SLC36A2: variants seen among roughly 807,000 people sequenced by gnomAD.
SLC36A2 encodes solute carrier family 36 member 2, also known as proton-coupled amino acid transporter 2.
In SLC36A2, 39 loss-of-function variants were observed where a neutral mutation model predicts 42.7. That is an observed-to-expected ratio of 0.91 (90% CI 0.71 to 1.19). The LOEUF (loss-of-function observed/expected upper bound fraction) is 1.19, where lower values mean the gene tolerates loss of function less well. Among genes scored for constraint, SLC36A2 ranks in the 50% most tolerant of loss-of-function variants. The probability of loss-of-function intolerance (pLI) is 0.00; values close to 1 mark genes in which losing one functional copy is unlikely to be tolerated. For missense variants in SLC36A2, 590 were observed against 613.7 expected (o/e 0.96, Z 0.41); for synonymous variants, 237 against 240.8 (o/e 0.98, Z 0.15).
At chr5:151,331,897 T>C (rs1366232075) in intron 7 of SLC36A2, among the ~76,000 whole-genome samples, 2 of 151,948 alleles carry the variant, frequency 1.3e-5, no homozygotes, top group Non-Finnish European at 2.9e-5. Flanking sequence ...GACAGAGTCT[T>C]GCTCTGTCAC....
intron 8 of SLC36A2, among the ~76,000 whole-genome samples, chr5:151,324,636 T>G (rs1424875161): frequency 1.3e-5 from 2 of 151,994 alleles, no homozygotes; most frequent in African/African-American, 4.8e-5. Context: ...CTGGCCTGTT[T>G]GTTTGTTTTT....
At chr5:151,318,246 T>G (rs1755560876) in intron 9 of SLC36A2, among the ~76,000 whole-genome samples, 1 of 151,962 alleles carries the variant, frequency 6.6e-6, no homozygotes, top group South Asian at 2.1e-4. Flanking sequence ...CCAACAAAAC[T>G]TAAGCTCTTA....
intron 4 of SLC36A2, among the ~76,000 whole-genome samples, chr5:151,341,577 G>C (rs1317335545): frequency 6.6e-6 from 1 of 152,180 alleles, no homozygotes; most frequent in Admixed American, 6.5e-5. Context: ...AGGACAAAGG[G>C]TGTTAACCTG....
chr5:151,318,719 A>G (rs1216203065), intron 9 of SLC36A2, among the ~76,000 whole-genome samples: 1 of 151,600 alleles, frequency 6.6e-6, no homozygotes, highest in African/African-American at 2.4e-5. Flanking sequence ...GAAATTATTT[A>G]TAATACAAAG....
Position 151,338,083 on chromosome 5 carries a change from G to T in SLC36A2, c.525+977C>A, listed in dbSNP as rs1249218528. ...TAACCACAGTACCTGCTCTAATAAGGTCATGGAGATAATTCAATGATGGAA... is the reference window on the plus strand; with the variant it reads ...TAACCACAGTACCTGCTCTAATAAGTTCATGGAGATAATTCAATGATGGAA... On this transcript the variant is annotated intron_variant, in intron 5 of 9. Transcript: ENST00000335244. 5.3e-5 allele frequency among the ~76,000 whole-genome samples: 8 copies of T among 152,084 alleles called. No individual in the cohort carries two copies. In the East Asian group the frequency reaches 1.5e-3, roughly 29 times the overall value.
chr5:151,338,871 A>T, intron 5 of SLC36A2, 189 bp downstream of exon 5: 1 of 526,206 alleles, frequency 1.9e-6, no homozygotes, highest in East Asian at 4.3e-5. Flanking sequence ...GATAAAGGGT[A>T]TTGTGGCAAA....
chr5:151,345,188 G>A (rs942763098), intron 1 of SLC36A2, among the ~76,000 whole-genome samples: 1 of 152,182 alleles, frequency 6.6e-6, no homozygotes, highest in Non-Finnish European at 1.5e-5. Context: ...GTTAAGTCAA[G>A]GCGAGCATGG....
intron 9 of SLC36A2, among the ~76,000 whole-genome samples, chr5:151,320,943 A>C (rs141824587): frequency 8.8e-4 from 134 of 152,266 alleles, no homozygotes; most frequent in Non-Finnish European, 1.6e-3. Context: ...CTTGAATTCA[A>C]ATCCTACCTC....
At chr5:151,335,651 G>T in intron 5 of SLC36A2, 104 bp from the exon 6 acceptor site, 1 of 866,438 alleles carries the variant, frequency 1.2e-6, no homozygotes, top group Non-Finnish European at 2.0e-6. Context: ...CAGTGAATGG[G>T]AGTGTCCCAC....
At position 151,335,377 on chromosome 5, in the gene SLC36A2, G is replaced by T; in HGVS notation, c.696C>A (p.Asn232Lys). The T allele has an allele frequency of 2.5e-6, 4 of 1,614,090 alleles. No homozygotes were observed. The highest frequency in any genetic ancestry group is 3.4e-6 in the Non-Finnish European group (4 of 1,180,004). Residue 232 changes from asparagine to lysine, a missense_variant, in exon 6 of 10, where the codon AAC becomes AAA. Coordinates refer to ENST00000335244, the MANE Select transcript of SLC36A2 (RefSeq NM_181776.3). The part of the protein sequence containing the change: ...RILTIFSMLA[N>K]ISMLVSLVII... ...TGACCAAGCTGACCAGCATGCTGATGTTGGCCAGCATGGAGAAGATGGTCA... is the reference window on the plus strand; with the variant it reads ...TGACCAAGCTGACCAGCATGCTGATTTTGGCCAGCATGGAGAAGATGGTCA...
At position 151,329,304 on chromosome 5, in the gene SLC36A2, T is replaced by C. The variant is rs865939814; in HGVS notation, c.844-3852A>G. ...CCCACAGAAGGTGAGCAAGGACTTA[T>C]GAGCTGAATCTAACTAGGTAGATGG... On this transcript the variant is annotated intron_variant, in intron 7 of 9. Coordinates refer to ENST00000335244, the MANE Select transcript of SLC36A2 (RefSeq NM_181776.3). Among the ~76,000 whole-genome samples the C allele has an allele frequency of 5.9e-5, 9 of 152,368 alleles. 1 individual carries two copies. In the Middle Eastern group the frequency reaches 0.027, roughly 461 times the overall value.
At position 151,325,286 on chromosome 5, in the gene SLC36A2, C is replaced by A. The variant is rs540050755; in HGVS notation, c.1010G>T (p.Trp337Leu). The A allele has an allele frequency of 5.0e-6, 8 of 1,613,072 alleles. No homozygotes were observed. In the South Asian group the frequency reaches 7.7e-5, roughly 16 times the overall value. The change falls in exon 8 of 10, where the codon TGG (tryptophan) becomes TTG (leucine). Residue 337 changes from tryptophan to leucine, a missense_variant and splice_region_variant. Trp to Leu is a moderately conservative substitution (Grantham distance 61). Transcript: ENST00000335244. ...ACCACCTGACAGCCCATGAAGATACCAGCAGTTAGGCAGGTTAAGGCTTAT... is the reference window on the plus strand; with the variant it reads ...ACCACCTGACAGCCCATGAAGATACAAGCAGTTAGGCAGGTTAAGGCTTAT... ...ASISLNLPNC[W>L]LYQSVKLLYI...
chr5:151,323,969 C>G (rs753023717), intron 8 of SLC36A2, among the ~76,000 whole-genome samples: 22 of 152,190 alleles, frequency 1.4e-4, no homozygotes, highest in Non-Finnish European at 2.5e-4. Flanking sequence ...ACCGAAATGT[C>G]CTGTAATTAA....
At position 151,318,517 on chromosome 5, in the gene SLC36A2, T is replaced by TA. The variant is rs1755580744; in HGVS notation, c.1181-1430dup. Among the ~76,000 whole-genome samples, 6 of 57,658 alleles carry TA rather than the reference T, an allele frequency of 1.0e-4. No homozygotes were observed. The Admixed American group carries it at 1.5e-3, about 15-fold the overall frequency. The allele number at this position is 57,658 out of a possible 152,430, so 37.8% of individuals were successfully genotyped here. A position where few individuals can be genotyped will look rare whatever the true frequency, so the allele number is the denominator to read the frequency against. On this transcript the variant is annotated intron_variant, in intron 9 of 9. Coordinates refer to ENST00000335244, the MANE Select transcript of SLC36A2 (RefSeq NM_181776.3). ...ATCTATAATAAAAATAAATAATAAA[T>TA]AAAAATATAATAATTATTTATAAAT... is the stretch of plus-strand genomic sequence containing the variant.
chr5:151,318,519 A>T (rs374602731), intron 9 of SLC36A2, among the ~76,000 whole-genome samples: 3 of 57,570 alleles, frequency 5.2e-5, no homozygotes, highest in Admixed American at 2.6e-4. Context: ...ATAATAAATA[A>T]AAATATAATA....
chr5:151,343,699 C>G, intron 2 of SLC36A2, 101 bp from the exon 3 acceptor site: 6 of 1,066,176 alleles, frequency 5.6e-6, no homozygotes, highest in Non-Finnish European at 8.6e-6. Context: ...ATGCAGAACT[C>G]AAAGAACTCT....
At chr5:151,322,292 A>C in intron 8 of SLC36A2, 77 bp from the exon 9 acceptor site, 1 of 1,536,312 alleles carries the variant, frequency 6.5e-7, no homozygotes. Context: ...TTAACCTCTG[A>C]CCTTGGGACA....
rs764528872 is a variant in SLC36A2, at chr5:151,343,516, C to T, written c.338G>A (p.Cys113Tyr). ...AGGAGGCTGTTTTCCTCACCTCTTACAGAAGCGCTGGGCACACTTGACCAG... is the reference window on the plus strand; with the variant it reads ...AGGAGGCTGTTTTCCTCACCTCTTATAGAAGCGCTGGGCACACTTGACCAG... Reference protein sequence around the residue: ...HILVKCAQRFCKRLNKPFMDY... With the variant: ...HILVKCAQRFYKRLNKPFMDY... Residue 113 changes from cysteine to tyrosine, a missense_variant, in exon 3 of 10, where the codon TGT becomes TAT. Cys to Tyr is a radical substitution (Grantham distance 194). Coordinates refer to ENST00000335244, the MANE Select transcript of SLC36A2 (RefSeq NM_181776.3). The T allele has an allele frequency of 2.7e-5, 44 of 1,614,090 alleles. No individual in the cohort carries two copies. In the Admixed American group the frequency reaches 4.5e-4, roughly 17 times the overall value.
intron 8 of SLC36A2, among the ~76,000 whole-genome samples, chr5:151,323,992 G>T (rs981932746): frequency 1.3e-5 from 2 of 152,216 alleles, no homozygotes; most frequent in South Asian, 2.1e-4. Flanking sequence ...ACATGACCTG[G>T]TGTGGGAGAA....
Sources: allele counts gnomAD v4.1 joint callset (sites outside exome capture counted in the v4.1 genomes callset), GRCh38; gene constraint gnomAD v4.1.1; transcripts MANE v1.5; gene names NCBI Gene and HGNC (gene_info 2026-07-23, HGNC 2026-07-21).